Variants in PTN observed in about 807,000 individuals in gnomAD.
PTN encodes the protein pleiotrophin.
PTN carries 18 observed loss-of-function variants against 24.1 expected under a neutral mutation model. The observed-to-expected ratio is 0.75, with a 90% CI of 0.52 to 1.11. The LOEUF (loss-of-function observed/expected upper bound fraction) is 1.11, where lower values mean the gene tolerates loss of function less well. Ranked by LOEUF, PTN falls within the 50% of genes least tolerant of loss-of-function variation. PTN has a pLI of 0.00. For synonymous variants in PTN, 78 were observed against 68.6 expected, an observed-to-expected ratio of 1.14 and a Z score of -0.67; for missense variants, 163 against 198.8, an observed-to-expected ratio of 0.82 and a Z score of 1.08.
intron 3 of PTN, among the ~76,000 whole-genome samples, chr7:137,252,318 T>C (rs1808842111): frequency 6.6e-6 from 1 of 151,992 alleles, no homozygotes; most frequent in Non-Finnish European, 1.5e-5. Flanking sequence ...AGTTCATTTG[T>C]TGCCTATATA....
At chr7:137,329,330 G>A (rs1434899812) in intron 1 of PTN, among the ~76,000 whole-genome samples, 1 of 152,172 alleles carries the variant, frequency 6.6e-6, no homozygotes, top group Admixed American at 6.5e-5. Flanking sequence ...AGAACTAGTT[G>A]GTGATAAGGG....
chr7:137,310,900 C>T (rs551670096), intron 1 of PTN, among the ~76,000 whole-genome samples: 3 of 152,138 alleles, frequency 2.0e-5, no homozygotes, highest in Non-Finnish European at 2.9e-5. Context: ...TGGCTTAAAA[C>T]TTTTCTTCTG....
At chr7:137,233,965 C>T (rs549240454) in intron 4 of PTN, among the ~76,000 whole-genome samples, 1 of 148,562 alleles carries the variant, frequency 6.7e-6, no homozygotes, top group African/African-American at 2.5e-5. Flanking sequence ...TATACATATA[C>T]ATATATATGT....
intron 1 of PTN, among the ~76,000 whole-genome samples, chr7:137,294,306 A>C (rs1809685498): frequency 6.6e-6 from 1 of 152,032 alleles, no homozygotes; most frequent in Non-Finnish European, 1.5e-5. Flanking sequence ...CCTTGAACAA[A>C]ATTTCAGAAG....
chr7:137,281,991 G>T (rs553825121), intron 1 of PTN, among the ~76,000 whole-genome samples: 1 of 152,178 alleles, frequency 6.6e-6, no homozygotes, highest in South Asian at 2.1e-4. Flanking sequence ...TTGAACTCAG[G>T]CCTGCTTAAC....
chr7:137,249,955 C>T (rs970355744), intron 4 of PTN, among the ~76,000 whole-genome samples: 2 of 152,166 alleles, frequency 1.3e-5, no homozygotes, highest in African/African-American at 2.4e-5. Context: ...AAATAAAGTC[C>T]TTTCTGGCCA....
intron 4 of PTN, among the ~76,000 whole-genome samples, chr7:137,240,407 A>AG (rs1808608678): frequency 6.6e-6 from 1 of 152,232 alleles, no homozygotes; most frequent in Non-Finnish European, 1.5e-5. Context: ...TCTATGTGGT[A>AG]CACTGGAATT....
chr7:137,285,864 T>A (rs1809545640), intron 1 of PTN, among the ~76,000 whole-genome samples: 1 of 152,208 alleles, frequency 6.6e-6, no homozygotes, highest in Non-Finnish European at 1.5e-5. Context: ...GTGAGTAAAT[T>A]TTAAAAGACT....
intron 1 of PTN, among the ~76,000 whole-genome samples, chr7:137,257,824 G>C (rs1215989319): frequency 6.6e-6 from 1 of 152,174 alleles, no homozygotes; most frequent in African/African-American, 2.4e-5. Context: ...GAACTCTTGA[G>C]AGAACTTTCT....
chr7:137,325,145 C>T (rs1329914384), intron 1 of PTN, among the ~76,000 whole-genome samples: 1 of 152,124 alleles, frequency 6.6e-6, no homozygotes, highest in Admixed American at 6.6e-5. Flanking sequence ...GAATCTGGAA[C>T]AACATTAAAT....
intron 1 of PTN, among the ~76,000 whole-genome samples, chr7:137,309,731 T>C (rs1279001747): frequency 2.0e-5 from 3 of 152,202 alleles, no homozygotes; most frequent in East Asian, 3.9e-4. Flanking sequence ...AGTTTGATCA[T>C]GAGATTGCAG....
At chr7:137,339,567 T>TTAAAAAA (rs1491090319) in intron 1 of PTN, among the ~76,000 whole-genome samples, 1 of 18,634 alleles carries the variant, frequency 5.4e-5, no homozygotes. Context: ...GGGTCTTGAA[T>TTAAAAAA]CAAAAAAAAA....
At chr7:137,334,573 G>A (rs322325) in intron 1 of PTN, among the ~76,000 whole-genome samples, 58,844 of 93,372 alleles carry the variant, frequency 0.63, 18,753 homozygotes, top group Admixed American at 0.75. Flanking sequence ...GGAGAAATAG[G>A]AACACTTTTA....
rs572640341 is a variant in PTN at position 137,245,340 on chromosome 7, A to G, written c.451+5890T>C. Among the ~76,000 whole-genome samples, 3 of 152,314 alleles carry G rather than the reference A, an allele frequency of 2.0e-5. No homozygotes were observed. The East Asian group carries it at 5.8e-4, about 29-fold the overall frequency. On this transcript the variant is annotated intron_variant, in intron 4 of 4. Transcript: ENST00000348225. ...GCAATGTTTCAACCAATGATGGACC[A>G]CATATAGAACTGTGTTCCCATTAGG...
intron 1 of PTN, among the ~76,000 whole-genome samples, chr7:137,269,665 GCT>G (rs1399545716): frequency 1.1e-5 from 1 of 94,622 alleles, no homozygotes; most frequent in East Asian, 3.6e-4. Flanking sequence ...ACGGAATCTT[GCT>G]CTGTCACCAG....
intron 1 of PTN, among the ~76,000 whole-genome samples, chr7:137,270,816 G>C (rs1809260735): frequency 6.6e-6 from 1 of 152,184 alleles, no homozygotes; most frequent in Non-Finnish European, 1.5e-5. Flanking sequence ...AATTAAAAAT[G>C]ATATCATAAA....
intron 1 of PTN, among the ~76,000 whole-genome samples, chr7:137,295,575 G>A (rs1161976775): frequency 1.3e-5 from 2 of 151,928 alleles, no homozygotes; most frequent in East Asian, 3.9e-4. Context: ...AAAGCAGTAT[G>A]AAAAAAATGA....
chr7:137,244,204 A>G (rs948716496), intron 4 of PTN, among the ~76,000 whole-genome samples: 1 of 152,090 alleles, frequency 6.6e-6, no homozygotes, highest in African/African-American at 2.4e-5. Flanking sequence ...TCCAGCTACA[A>G]TCTTTCAGTC....
intron 1 of PTN, among the ~76,000 whole-genome samples, chr7:137,315,021 G>A (rs965112918): frequency 1.3e-5 from 2 of 152,088 alleles, no homozygotes; most frequent in African/African-American, 4.8e-5. Flanking sequence ...TGTATTTCTT[G>A]GCTGATCCTG....
Sources: allele counts gnomAD v4.1 joint callset (sites outside exome capture counted in the v4.1 genomes callset), GRCh38; gene constraint gnomAD v4.1.1; transcripts MANE v1.5; gene names NCBI Gene and HGNC (gene_info 2026-07-23, HGNC 2026-07-21).